HMCN1: variants seen among roughly 807,000 people sequenced by gnomAD.
The protein encoded by HMCN1 is hemicentin-1.
In HMCN1, 321 loss-of-function variants were observed where a neutral mutation model predicts 625.9. The ratio of observed to expected loss-of-function variants is 0.51; its 90% confidence interval spans 0.47 to 0.56. The LOEUF is 0.56. Among genes scored for constraint, HMCN1 ranks in the 20% least tolerant of loss-of-function variants. The pLI is 0.00. For synonymous variants in HMCN1, 2,425 were observed against 2,417.6 expected, an observed-to-expected ratio of 1.00 and a Z score of -0.09; for missense variants, 6,588 against 6,887.3, an observed-to-expected ratio of 0.96 and a Z score of 1.54.
At chr1:186,151,377 A>T (rs1277871018) in intron 94 of HMCN1, 28 bp downstream of exon 94, 2 of 1,594,288 alleles carry the variant, frequency 1.3e-6, no homozygotes, top group Non-Finnish European at 1.7e-6. Flanking sequence ...GCCTCTTTTT[A>T]AAAACTTATA....
chr1:186,172,038 C>T lies in HMCN1; in HGVS notation c.15721C>T (p.Pro5241Ser). 6.2e-7 allele frequency: 1 copy of T among 1,613,416 alleles called. No homozygotes were observed. Among genetic ancestry groups the T allele is most frequent in the Admixed American group, 1.7e-5 (1 of 59,988 alleles). ...VNECRQNVCR[P>S]DQHCKNTRGG... The stretch of plus-strand genomic sequence containing the variant: ...CGAGTGTAGACAAAATGTATGCAGA[C>T]CAGATCAGCACTGTAAGAACACCCG... Residue 5241 changes from proline to serine, a missense_variant, in exon 102 of 107, where the codon CCA becomes TCA. Transcript: ENST00000271588.
chr1:186,188,569 ATGT>A (rs562982455), intron 106 of HMCN1, among the ~76,000 whole-genome samples: 83 of 152,290 alleles, frequency 5.5e-4, no homozygotes, highest in African/African-American at 1.9e-3. Flanking sequence ...CCTTCCAGAA[ATGT>A]TGTACTCTAT....
In HMCN1 at chr1:185,962,563, G is replaced by A. The variant is rs1320743016; in HGVS notation, c.1874G>A (p.Gly625Glu). The change falls in exon 12 of 107, where the codon GGA (glycine) becomes GAA (glutamate). Residue 625 changes from glycine (G) to glutamate (E), a missense_variant. Physicochemically the swap from Gly to Glu is moderately conservative, Grantham distance 98. Around this residue, in one of 3 missense-constraint regions of HMCN1, gnomAD observed 4,628 missense variants for 4,853.1 expected, o/e 0.95. Transcript: ENST00000271588. ...ATGCCCAAGAATCAGTCTTTCACAGGAGGGTCTGAGGTCTCCATCATGTGT... is the reference window on the plus strand; with the variant it reads ...ATGCCCAAGAATCAGTCTTTCACAGAAGGGTCTGAGGTCTCCATCATGTGT... ...TVMPKNQSFT[G>E]GSEVSIMCSA... 6.2e-7 allele frequency: 1 copy of A among 1,611,778 alleles called. No homozygotes were observed. The highest frequency in any genetic ancestry group is 8.5e-7 in the Non-Finnish European group (1 of 1,177,924).
chr1:185,925,598 T>A (rs1030331030), intron 9 of HMCN1, among the ~76,000 whole-genome samples: 6 of 152,190 alleles, frequency 3.9e-5, no homozygotes, highest in Non-Finnish European at 5.9e-5. Context: ...TGTTTCTGAA[T>A]CTGATTTAAA....
intron 67 of HMCN1, 114 bp downstream of exon 67, chr1:186,094,487 A>G (rs1455804324): frequency 2.6e-6 from 2 of 777,644 alleles, no homozygotes; most frequent in Non-Finnish European, 4.5e-6. Flanking sequence ...ATCAAAAAGG[A>G]TTAGTGAAAT....
intron 1 of HMCN1, among the ~76,000 whole-genome samples, chr1:185,830,519 T>G (rs1025370423): frequency 1.3e-5 from 2 of 152,172 alleles, no homozygotes; most frequent in Non-Finnish European, 2.9e-5. Context: ...CTTTCCACAT[T>G]GCTTGTTCTT....
At chr1:186,026,444 G>A (rs1655060548) in intron 36 of HMCN1, among the ~76,000 whole-genome samples, 1 of 152,104 alleles carries the variant, frequency 6.6e-6, no homozygotes, top group South Asian at 2.1e-4. Context: ...ACAGTATAAG[G>A]AACAAGAGAG....
chr1:185,787,852 A>G (rs1299692176), intron 1 of HMCN1, among the ~76,000 whole-genome samples: 1 of 152,216 alleles, frequency 6.6e-6, no homozygotes, highest in Non-Finnish European at 1.5e-5. Flanking sequence ...ATACTAAGGT[A>G]AAGCTCAGAG....
intron 52 of HMCN1, among the ~76,000 whole-genome samples, chr1:186,071,624 T>G (rs542573260): frequency 6.6e-6 from 1 of 152,296 alleles, no homozygotes; most frequent in African/African-American, 2.4e-5. Flanking sequence ...AATCATGATT[T>G]AAGATGCAGG....
rs190257126 is a variant in HMCN1, at chr1:185,882,270, C to T, written c.621+16407C>T. Among the ~76,000 whole-genome samples, 85 of 151,950 alleles carry T rather than the reference C, an allele frequency of 5.6e-4. 1 individual carries two copies. In the East Asian group the frequency reaches 0.016, roughly 28 times the overall value. On this transcript the variant is annotated intron_variant, in intron 4 of 106. Transcript: ENST00000271588. ...ATGGAATGAAGCAATGCTAATGAAA[C>T]TCTCATGGAGCATTCACAGCTTATT...
At chr1:186,151,425 G>A in intron 94 of HMCN1, 76 bp downstream of exon 94, 2 of 1,436,960 alleles carry the variant, frequency 1.4e-6, no homozygotes, top group Middle Eastern at 2.0e-4. Context: ...TAAAGTTCTA[G>A]AGAATGCTAC....
chr1:186,089,881 C>G (rs1004927100), intron 63 of HMCN1, among the ~76,000 whole-genome samples: 5 of 151,814 alleles, frequency 3.3e-5, no homozygotes, highest in African/African-American at 1.2e-4. Flanking sequence ...ATTTATAGAG[C>G]TTATTCAGTG....
At chr1:185,970,878 T>C (rs1179938314) in intron 15 of HMCN1, among the ~76,000 whole-genome samples, 2 of 152,116 alleles carry the variant, frequency 1.3e-5, no homozygotes, top group Non-Finnish European at 2.9e-5. Context: ...CAGGCTGGTC[T>C]TGAACTCCTG....
intron 30 of HMCN1, among the ~76,000 whole-genome samples, chr1:186,010,514 A>G (rs1029070389): frequency 1.3e-5 from 2 of 152,186 alleles, no homozygotes; most frequent in African/African-American, 2.4e-5. Flanking sequence ...TTTCTAAAGA[A>G]TTCACAAAGT....
chr1:185,960,468 C>G (rs977288888), intron 11 of HMCN1, among the ~76,000 whole-genome samples: 2 of 152,134 alleles, frequency 1.3e-5, no homozygotes, highest in African/African-American at 4.8e-5. Context: ...AATTTCTCAC[C>G]TCCTGTGGGA....
chr1:186,156,776 TATA>T (rs1184863611), intron 97 of HMCN1, among the ~76,000 whole-genome samples: 1 of 152,218 alleles, frequency 6.6e-6, no homozygotes, highest in Non-Finnish European at 1.5e-5. Flanking sequence ...GGCACAGCTA[TATA>T]ATAATAACTT....
At chr1:185,989,344 C>A in intron 20 of HMCN1, 144 bp from the exon 21 acceptor site, 2 of 964,856 alleles carry the variant, frequency 2.1e-6, no homozygotes, top group Non-Finnish European at 1.6e-6. Flanking sequence ...TAACTTTTTT[C>A]AAGTTAGCAT....
chr1:185,916,889 C>A (rs918440478), intron 6 of HMCN1, among the ~76,000 whole-genome samples: 1 of 152,062 alleles, frequency 6.6e-6, no homozygotes, highest in Non-Finnish European at 1.5e-5. Flanking sequence ...GCAGCATCTT[C>A]AGTCACTTAA....
At chr1:186,037,812 G>A (rs1026948490) in intron 36 of HMCN1, 122 bp from the exon 37 acceptor site, 104 of 695,754 alleles carry the variant, frequency 1.5e-4, no homozygotes, top group Non-Finnish European at 2.5e-4. Context: ...ATTCCAAATA[G>A]GTCAGTGTAT....
Sources: allele counts gnomAD v4.1 joint callset (sites outside exome capture counted in the v4.1 genomes callset), GRCh38; gene constraint gnomAD v4.1.1; regional missense constraint gnomAD v4.1.1; transcripts MANE v1.5; gene names NCBI Gene and HGNC (gene_info 2026-07-23, HGNC 2026-07-21).